SYNPR: variants seen among roughly 807,000 people sequenced by gnomAD.
The protein encoded by SYNPR is synaptoporin.
SYNPR carries 23 observed loss-of-function variants against 32.9 expected under a neutral mutation model. That is an observed-to-expected ratio of 0.70 (90% CI 0.50 to 0.99). SYNPR has a LOEUF of 0.99. Among genes scored for constraint, SYNPR ranks in the 50% least tolerant of loss-of-function variants. The pLI is 0.00. For missense variants in SYNPR, 318 were observed against 349.3 expected, an observed-to-expected ratio of 0.91 and a Z score of 0.71; for synonymous variants, 146 against 135.9, an observed-to-expected ratio of 1.07 and a Z score of -0.52.
intron 2 of SYNPR, among the ~76,000 whole-genome samples, chr3:63,388,525 T>A (rs1019638371): frequency 6.7e-6 from 1 of 149,324 alleles, no homozygotes; most frequent in Non-Finnish European, 1.5e-5. Context: ...GTAGCTGGGA[T>A]TACAGGCGCA....
At chr3:63,382,666 C>A (rs932941014) in intron 2 of SYNPR, among the ~76,000 whole-genome samples, 1 of 152,164 alleles carries the variant, frequency 6.6e-6, no homozygotes, top group African/African-American at 2.4e-5. Context: ...TTCATCGGTG[C>A]CAAGGTCCCT....
chr3:63,340,885 G>A (rs2087360641), intron 2 of SYNPR, among the ~76,000 whole-genome samples: 1 of 152,050 alleles, frequency 6.6e-6, no homozygotes. Context: ...CATTATTATT[G>A]GCTGAAGTTC....
chr3:63,567,509 A>G (rs1055086922), intron 4 of SYNPR, among the ~76,000 whole-genome samples: 4 of 152,168 alleles, frequency 2.6e-5, no homozygotes, highest in African/African-American at 9.6e-5. Context: ...TGAATCCAGA[A>G]CAAGCACACA....
chr3:63,584,973 C>A (rs1351209625), intron 4 of SYNPR, among the ~76,000 whole-genome samples: 1 of 152,072 alleles, frequency 6.6e-6, no homozygotes, highest in Non-Finnish European at 1.5e-5. Flanking sequence ...TGCATTTCAA[C>A]AAGATGTCCA....
chr3:63,511,932 T>C (rs1375543207), intron 3 of SYNPR, among the ~76,000 whole-genome samples: 3 of 152,156 alleles, frequency 2.0e-5, no homozygotes, highest in African/African-American at 7.2e-5. Flanking sequence ...AATACAGATG[T>C]ATTTACTCAA....
chr3:63,218,403 T>C, the SYNPR span, among the ~76,000 whole-genome samples: 1 of 152,348 alleles, frequency 6.6e-6, no homozygotes, highest in East Asian at 1.9e-4. Flanking sequence ...ATCCACTATG[T>C]GCCTCACATT....
intron 2 of SYNPR, among the ~76,000 whole-genome samples, chr3:63,320,771 C>A (rs1041791699): frequency 6.6e-6 from 1 of 151,984 alleles, no homozygotes; most frequent in Non-Finnish European, 1.5e-5. Flanking sequence ...TTCATGGAAA[C>A]GGCACCACTT....
chr3:63,532,659 C>T (rs1702132388), intron 3 of SYNPR, among the ~76,000 whole-genome samples: 1 of 152,206 alleles, frequency 6.6e-6, no homozygotes. Flanking sequence ...TTAAAGACTG[C>T]TAAGAAACAC....
chr3:63,595,734 T>G (rs1261946935), intron 4 of SYNPR, among the ~76,000 whole-genome samples: 4 of 30,330 alleles, frequency 1.3e-4, no homozygotes, highest in African/African-American at 8.8e-4. Context: ...TATATATATA[T>G]ATATATATAT....
Position 63,278,503 on chromosome 3 carries a change from G to A in SYNPR, c.-31G>A, listed in dbSNP as rs2086597140. ...GCGAACTTCATTTTTAAAAAGAACT[G>A]GTGGATGAGAAGAGCGAGCGAGGGC... is the stretch of plus-strand genomic sequence containing the variant. On this transcript the variant is annotated 5_prime_UTR_variant, in exon 1 of 6. Transcript: ENST00000478300. 4 of 1,545,608 alleles carry A rather than the reference G, an allele frequency of 2.6e-6. No individual in the cohort carries two copies. Among genetic ancestry groups the A allele is most frequent in the Admixed American group, 2.0e-5 (1 of 50,282 alleles).
intron 2 of SYNPR, among the ~76,000 whole-genome samples, chr3:63,280,798 T>G (rs563813409): frequency 2.6e-5 from 4 of 150,962 alleles, no homozygotes; most frequent in African/African-American, 7.3e-5. Flanking sequence ...TAAAGGTTAC[T>G]AAGTTACTAC....
At chr3:63,550,612 C>A (rs1443875897) in intron 3 of SYNPR, among the ~76,000 whole-genome samples, 2 of 152,012 alleles carry the variant, frequency 1.3e-5, no homozygotes, top group African/African-American at 4.8e-5. Context: ...TTATTCTCTC[C>A]CTCCCCACTG....
chr3:63,300,331 T>TTCTATCTATCTATCTA (rs59249020), intron 2 of SYNPR, among the ~76,000 whole-genome samples: 4,110 of 151,422 alleles, frequency 0.027, 71 homozygotes, highest in African/African-American at 0.033. Context: ...CATTCTTTGC[T>TTCTATCTATCTATCTA]TCTATCTATC....
intron 3 of SYNPR, among the ~76,000 whole-genome samples, chr3:63,550,273 T>G (rs1342948961): frequency 6.6e-6 from 1 of 151,180 alleles, no homozygotes; most frequent in African/African-American, 2.4e-5. Flanking sequence ...TATATGCCTT[T>G]TGCTTATAAG....
intron 1 of SYNPR, among the ~76,000 whole-genome samples, chr3:63,234,991 C>T (rs543978660): frequency 4.6e-5 from 7 of 152,286 alleles, no homozygotes; most frequent in East Asian, 1.9e-4. Context: ...CAATGGAGGA[C>T]GTTTGCAAAC....
At chr3:63,422,057 T>A (rs1699809963) in intron 2 of SYNPR, among the ~76,000 whole-genome samples, 1 of 152,228 alleles carries the variant, frequency 6.6e-6, no homozygotes, top group Non-Finnish European at 1.5e-5. Flanking sequence ...CTTTGCCACA[T>A]AATGTAGGCT....
At chr3:63,248,640 G>A (rs1221314317) in intron 1 of SYNPR, among the ~76,000 whole-genome samples, 2 of 152,050 alleles carry the variant, frequency 1.3e-5, no homozygotes, top group African/African-American at 4.8e-5. Context: ...TTCTCTTTGT[G>A]GAGTTCTATC....
At chr3:63,251,759 T>C (rs1347159312) in intron 1 of SYNPR, among the ~76,000 whole-genome samples, 5 of 151,900 alleles carry the variant, frequency 3.3e-5, no homozygotes, top group Admixed American at 2.6e-4. Context: ...TCTGCATCCG[T>C]CTGCTTGGAA....
intron 1 of SYNPR, among the ~76,000 whole-genome samples, chr3:63,230,408 A>C (rs2106872705): frequency 6.6e-6 from 1 of 152,324 alleles, no homozygotes; most frequent in East Asian, 1.9e-4. Context: ...CCTACCTCAG[A>C]TTTAAAGGCT....
Sources: gnomAD v4.1 joint callset for allele counts (sites outside exome capture counted in the v4.1 genomes callset) on GRCh38, gnomAD v4.1.1 for gene constraint, MANE v1.5 for transcripts, NCBI Gene and HGNC (gene_info 2026-07-23, HGNC 2026-07-21) for gene names.